Variants in SATB1 observed in about 807,000 individuals in gnomAD.
SATB1 encodes the protein SATB homeobox 1.
SATB1 carries 11 observed loss-of-function variants against 86.9 expected under a neutral mutation model. The ratio of observed to expected loss-of-function variants is 0.13; its 90% CI spans 0.08 to 0.21. SATB1 has a LOEUF of 0.21. Among genes scored for constraint, SATB1 ranks in the 10% least tolerant of loss-of-function variants. SATB1 has a pLI of 1.00. For synonymous variants in SATB1, 357 were observed against 357.2 expected (o/e 1.00, Z 0.01); for missense variants, 551 against 937.6 (o/e 0.59, Z 5.39).
intron 5 of SATB1, among the ~76,000 whole-genome samples, chr3:18,407,663 A>G (rs375180820): frequency 7.2e-5 from 11 of 152,160 alleles, no homozygotes; most frequent in African/African-American, 2.2e-4. Context: ...TGGCCACAAC[A>G]TAACTCACAT....
chr3:18,415,816 G>A (rs926280346), intron 4 of SATB1, among the ~76,000 whole-genome samples, 191 bp downstream of exon 4: 1 of 151,920 alleles, frequency 6.6e-6, no homozygotes, highest in Non-Finnish European at 1.5e-5. Context: ...TGTGTGGGGG[G>A]GGGGATTGCT....
intron 2 of SATB1, chr3:18,435,098 T>C (rs1055591648): frequency 6.6e-6 from 1 of 152,210 alleles, no homozygotes; most frequent in Admixed American, 6.5e-5. Flanking sequence ...TGCCGGTTAG[T>C]AATAATACAG....
chr3:18,429,126 G>A (rs1698806498), upstream of SATB1, among the ~76,000 whole-genome samples: 1 of 152,066 alleles, frequency 6.6e-6, no homozygotes. This position sits in a 1 kb window ranked among gnomAD's most constrained non-coding sequence, Gnocchi z 4.1. Flanking sequence ...GGCTTTAGCT[G>A]CAGGTGGTGT....
At chr3:18,361,237 TGTAACC>T (rs568580784) in intron 9 of SATB1, among the ~76,000 whole-genome samples, 18 of 152,128 alleles carry the variant, frequency 1.2e-4, no homozygotes, top group Non-Finnish European at 2.4e-4. Context: ...ATCATAGCCT[TGTAACC>T]TTAGGCAGAT....
chr3:18,439,222 C>T (rs1464454255), upstream of SATB1, among the ~76,000 whole-genome samples: 10 of 152,288 alleles, frequency 6.6e-5, no homozygotes, highest in South Asian at 1.9e-3. Context: ...ACCGCATAAA[C>T]TGAATTACAT....
chr3:18,349,879 G>T lies in SATB1; in HGVS notation c.1780-197C>A. ...AATCAAAATGATATGACTAGGAAGG[G>T]ATGAATTAAGACAGCTTTGGGGGGC... On this transcript the variant is annotated intron_variant, in intron 10 of 10. Transcript: ENST00000338745. This position sits in a 1 kb window ranked among gnomAD's most constrained non-coding sequence, Gnocchi z 5.5. The T allele has an allele frequency of 2.1e-6, 2 of 943,154 alleles. No individual in the cohort carries two copies. Among genetic ancestry groups the T allele is most frequent in the South Asian group, 3.9e-5 (2 of 51,558 alleles). 58.4% of individuals were successfully genotyped at this position (943,154 alleles called of 1,614,324 possible). A position where few individuals can be genotyped will look rare whatever the true frequency, so the allele number is the denominator to read the frequency against.
At position 18,386,394 on chromosome 3, in the gene SATB1, C is replaced by A. The variant is rs770464755; in HGVS notation, c.1419+5G>T. On this transcript the variant is annotated splice_donor_5th_base_variant and intron_variant, in intron 8 of 10. Coordinates refer to ENST00000338745, the MANE Select transcript of SATB1 (RefSeq NM_002971.6). This position sits in a 1 kb window ranked among gnomAD's most constrained non-coding sequence, Gnocchi z 4.5. ...AGAAGGGCAAGGAGGAAAAGGAGAC[C>A]GCACCTGGGGAGGACGGCTGGGTGG... The A allele has an allele frequency of 6.2e-7, 1 of 1,608,832 alleles. No individual in the cohort carries two copies. Among genetic ancestry groups the A allele is most frequent in the Non-Finnish European group, 8.5e-7 (1 of 1,176,518 alleles).
intron 1 of SATB1, chr3:18,445,407 G>T: frequency 1.0e-6 from 1 of 985,308 alleles, no homozygotes; most frequent in Non-Finnish European, 1.2e-6. Flanking sequence ...CGCACACGGG[G>T]GTTGGCGCGG....
rs114717038 is a variant in SATB1, at chr3:18,356,071, C to T, written c.1576-3876G>A. Among the ~76,000 whole-genome samples the T allele has an allele frequency of 4.0e-3, 611 of 152,004 alleles. 4 individuals carry two copies. Among genetic ancestry groups the T allele is most frequent in the African/African-American group, 0.014 (587 of 41,518 alleles). ...CACGCCTTGAGCTGTTGCAATCAAT[C>T]ACAGTGCTCCCCCTATTACTTAAAA... On this transcript the variant is annotated intron_variant, in intron 9 of 10. Transcript: ENST00000338745.
chr3:18,385,826 A>G (rs923829234), intron 8 of SATB1, among the ~76,000 whole-genome samples: 5 of 152,092 alleles, frequency 3.3e-5, no homozygotes, highest in Non-Finnish European at 5.9e-5. Flanking sequence ...CTTTCCTAAA[A>G]AGTCCAAAAA....
At chr3:18,427,529 CAAT>C (rs1347087448), upstream of SATB1, among the ~76,000 whole-genome samples, 1 of 152,032 alleles carries the variant, frequency 6.6e-6, no homozygotes, top group Admixed American at 6.5e-5. Context: ...CGGGAAATAT[CAAT>C]ATTAAGATAG....
At chr3:18,419,358 T>G (rs1329748705) in intron 2 of SATB1, among the ~76,000 whole-genome samples, 1 of 152,212 alleles carries the variant, frequency 6.6e-6, no homozygotes, top group Non-Finnish European at 1.5e-5. Context: ...CACTGCTGAA[T>G]GCTAAAAATA....
At chr3:18,416,819 G>T in intron 3 of SATB1, 83 bp downstream of exon 3, 2 of 1,335,210 alleles carry the variant, frequency 1.5e-6, no homozygotes, top group Non-Finnish European at 2.1e-6. Flanking sequence ...ACAGTTCTTT[G>T]AATAAAAATA....
At chr3:18,437,856 CTG>C (rs1300213447) in intron 1 of SATB1, among the ~76,000 whole-genome samples, 5 of 152,100 alleles carry the variant, frequency 3.3e-5, no homozygotes, top group Admixed American at 6.6e-5. Context: ...AAATTTAAAA[CTG>C]TATGCATCTT....
chr3:18,421,216 G>T, intron 1 of SATB1: 1 of 340,364 alleles, frequency 2.9e-6, no homozygotes, highest in Non-Finnish European at 5.3e-6. Flanking sequence ...CAATACACAT[G>T]AATAAAAAGA....
chr3:18,404,810 G>C (rs1697439325), intron 5 of SATB1, among the ~76,000 whole-genome samples: 1 of 151,066 alleles, frequency 6.6e-6, no homozygotes, highest in Admixed American at 6.6e-5. Flanking sequence ...CAAACCAAAT[G>C]AATATACTGG....
chr3:18,353,516 G>T (rs986069272), intron 9 of SATB1, among the ~76,000 whole-genome samples: 1 of 151,912 alleles, frequency 6.6e-6, no homozygotes, highest in African/African-American at 2.4e-5. Context: ...AAATAAATTA[G>T]TTGGATGAAA....
rs1312335451 is a variant in SATB1 at position 18,348,177 on chromosome 3, T to C, written c.*993A>G. 6.6e-6 allele frequency: 1 copy of C among 152,666 alleles called. No homozygotes were observed. Among genetic ancestry groups the C allele is most frequent in the Admixed American group, 6.5e-5 (1 of 15,290 alleles). 9.5% of individuals were successfully genotyped at this position (152,666 alleles called of 1,614,324 possible). ...GAAGACACATTGCAAACATCAATTA[T>C]TTTCACATTAATTGCATAATTTTCT... On this transcript the variant is annotated 3_prime_UTR_variant, in exon 11 of 11. Transcript: ENST00000338745.
At chr3:18,399,049 T>C (rs993369501) in intron 5 of SATB1, among the ~76,000 whole-genome samples, 2 of 152,212 alleles carry the variant, frequency 1.3e-5, no homozygotes, top group East Asian at 1.9e-4. Context: ...TCCACTCTGG[T>C]CCAATTTTTA....
Sources: allele counts gnomAD v4.1 joint callset (sites outside exome capture counted in the v4.1 genomes callset), GRCh38; gene constraint gnomAD v4.1.1; non-coding constraint Gnocchi (gnomAD v3.1); transcripts MANE v1.5; gene names NCBI Gene and HGNC (gene_info 2026-07-23, HGNC 2026-07-21).